The following SEC11A variants were observed in gnomAD, a reference collection of about 807,000 sequenced individuals.
The protein encoded by SEC11A is signal peptidase complex catalytic subunit SEC11A.
A neutral mutation model predicts 25.6 loss-of-function variants in SEC11A; 14 were observed. The ratio of observed to expected loss-of-function variants is 0.55; its 90% CI spans 0.36 to 0.85. The LOEUF (loss-of-function observed/expected upper bound fraction) is 0.85, where lower values mean the gene tolerates loss of function less well. Among genes scored for constraint, SEC11A ranks in the 40% least tolerant of loss-of-function variants. The pLI, the probability that SEC11A is intolerant of heterozygous loss-of-function variation, is 0.01. For synonymous variants in SEC11A, 83 were observed against 76.4 expected, an observed-to-expected ratio of 1.09 and a Z score of -0.45; for missense variants, 153 against 222.9, an observed-to-expected ratio of 0.69 and a Z score of 2.00.
At chr15:84,679,833 TG>T in intron 4 of SEC11A, 1 of 802,422 alleles carries the variant, frequency 1.2e-6, no homozygotes, top group Non-Finnish European at 2.0e-6. Flanking sequence ...AATGAGTCTC[TG>T]GTACACAATA....
intron 1 of SEC11A, among the ~76,000 whole-genome samples, chr15:84,694,823 G>A (rs1467370310): frequency 6.6e-6 from 1 of 152,058 alleles, no homozygotes; most frequent in East Asian, 1.9e-4. Context: ...CGAGTGCAGT[G>A]GCTCACGCCT....
chr15:84,692,692 G>C (rs1489747746), intron 1 of SEC11A, among the ~76,000 whole-genome samples: 1 of 152,200 alleles, frequency 6.6e-6, no homozygotes, highest in Non-Finnish European at 1.5e-5. Context: ...AAAGTATAGA[G>C]AGGATGACTA....
chr15:84,671,998 C>T (rs6496318), intron 4 of SEC11A: 85,781 of 152,056 alleles, frequency 0.56, 25,759 homozygotes, highest in East Asian at 0.81. Context: ...GACTCCAGAG[C>T]GGACTGGCAA....
intron 4 of SEC11A, chr15:84,672,455 G>A (rs1217040159): frequency 1.2e-5 from 2 of 162,098 alleles, no homozygotes; most frequent in African/African-American, 4.8e-5. Context: ...TTTTGGTGGA[G>A]ACGGGGTTTC....
chr15:84,685,130 A>G (rs2141885610), intron 3 of SEC11A, among the ~76,000 whole-genome samples: 1 of 152,326 alleles, frequency 6.6e-6, no homozygotes, highest in Admixed American at 6.5e-5. Context: ...CATATTTAAA[A>G]TCATCAGAAT....
chr15:84,688,365 C>T (rs562164113), intron 2 of SEC11A, among the ~76,000 whole-genome samples: 2 of 152,038 alleles, frequency 1.3e-5, no homozygotes. Context: ...AGATTTTTGC[C>T]TAAGAATTTC....
intron 2 of SEC11A, among the ~76,000 whole-genome samples, chr15:84,690,289 G>C (rs545255696): frequency 1.3e-5 from 2 of 152,260 alleles, no homozygotes; most frequent in East Asian, 3.9e-4. Flanking sequence ...CTCTTCTCTT[G>C]TCTGCCGCCA....
intron 3 of SEC11A, among the ~76,000 whole-genome samples, chr15:84,682,344 CAT>C: frequency 6.6e-6 from 1 of 152,064 alleles, no homozygotes; most frequent in Non-Finnish European, 1.5e-5. Flanking sequence ...CTCTAACAAA[CAT>C]GAATTACTTT....
intron 1 of SEC11A, among the ~76,000 whole-genome samples, chr15:84,703,325 G>A (rs1439381025): frequency 1.3e-5 from 2 of 152,184 alleles, no homozygotes; most frequent in African/African-American, 4.8e-5. Flanking sequence ...CCATCATTAA[G>A]TGTAAGTGGT....
intron 1 of SEC11A, among the ~76,000 whole-genome samples, chr15:84,713,796 GA>G (rs1164340631): frequency 6.6e-6 from 1 of 152,076 alleles, no homozygotes; most frequent in Non-Finnish European, 1.5e-5. Context: ...CTTCCCTTTT[GA>G]TTATTGGAAT....
intron 1 of SEC11A, among the ~76,000 whole-genome samples, chr15:84,704,590 C>T (rs560835833): frequency 1.3e-5 from 2 of 152,228 alleles, no homozygotes; most frequent in South Asian, 2.1e-4. Flanking sequence ...GATTTTATTC[C>T]ACCTGATACC....
At chr15:84,685,038 G>T (rs1268709942) in intron 3 of SEC11A, among the ~76,000 whole-genome samples, 4 of 151,880 alleles carry the variant, frequency 2.6e-5, no homozygotes, top group African/African-American at 7.3e-5. Flanking sequence ...TATTAACAGG[G>T]TCTGTTATCT....
At chr15:84,690,398 G>C (rs1428171977) in intron 2 of SEC11A, among the ~76,000 whole-genome samples, 1 of 152,124 alleles carries the variant, frequency 6.6e-6, no homozygotes. Context: ...AAATTGCCCA[G>C]TCTTGGGTAC....
At chr15:84,710,655 T>C (rs1404273662) in intron 1 of SEC11A, among the ~76,000 whole-genome samples, 1 of 151,978 alleles carries the variant, frequency 6.6e-6, no homozygotes, top group Non-Finnish European at 1.5e-5. Flanking sequence ...AAAGTGATTG[T>C]TAAAATTTGC....
intron 1 of SEC11A, among the ~76,000 whole-genome samples, chr15:84,698,938 G>A (rs551988487): frequency 6.6e-6 from 1 of 152,226 alleles, no homozygotes; most frequent in South Asian, 2.1e-4. Flanking sequence ...TACATAAATC[G>A]TAGTATTTCC....
intron 3 of SEC11A, 114 bp from the exon 4 acceptor site, chr15:84,680,946 CTA>C (rs1465604677): frequency 1.2e-6 from 1 of 838,994 alleles, no homozygotes; most frequent in Non-Finnish European, 1.8e-6. Flanking sequence ...TTTCACCATT[CTA>C]GTGTCGAAAT....
intron 1 of SEC11A, among the ~76,000 whole-genome samples, chr15:84,715,735 C>A (rs1423323495): frequency 2.0e-5 from 3 of 152,212 alleles, no homozygotes; most frequent in Admixed American, 6.5e-5. Flanking sequence ...AACCCCAACT[C>A]CCACTTCAAG....
intron 5 of SEC11A, 155 bp from the exon 6 acceptor site, chr15:84,670,224 C>T: frequency 1.8e-6 from 1 of 553,992 alleles, no homozygotes; most frequent in East Asian, 3.4e-5. Context: ...GTTTCCAATA[C>T]TAAGCAAAAT....
rs1302855751 is a variant in SEC11A, at chr15:84,669,558, T to C, written c.*461A>G. ...GGGATAAGGGGTTCAATGTGCAAAG[T>C]CTTTTATTTAAAATTTTAGAAGTTA... On this transcript the variant is annotated 3_prime_UTR_variant, in exon 6 of 6. Transcript: ENST00000268220. 6.4e-6 allele frequency: 1 copy of C among 155,978 alleles called. No individual in the cohort carries two copies. The highest frequency in any genetic ancestry group is 1.4e-5 in the Non-Finnish European group (1 of 70,306). The allele number at this position is 155,978 out of a possible 1,614,324, so 9.7% of individuals were successfully genotyped here. A position where few individuals can be genotyped will look rare whatever the true frequency, so the allele number is the denominator to read the frequency against.
Sources: gnomAD v4.1 joint callset for allele counts (sites outside exome capture counted in the v4.1 genomes callset) on GRCh38, gnomAD v4.1.1 for gene constraint, MANE v1.5 for transcripts, NCBI Gene and HGNC (gene_info 2026-07-23, HGNC 2026-07-21) for gene names.